Variants in SYT16 observed in about 807,000 individuals in gnomAD.
SYT16 encodes synaptotagmin-16.
SYT16 carries 42 observed loss-of-function variants against 61.4 expected under a neutral mutation model. The ratio of observed to expected loss-of-function variants is 0.68; its 90% CI spans 0.53 to 0.89. SYT16 has a LOEUF of 0.89. SYT16 is among the 40% of genes least tolerant of loss of function. The pLI, the probability that SYT16 is intolerant of heterozygous loss-of-function variation, is 0.00. For synonymous variants in SYT16, 314 were observed against 302.3 expected (o/e 1.04, Z -0.40); for missense variants, 804 against 807.3 (o/e 1.00, Z 0.05).
chr14:61,872,435 T>A lies in SYT16; in HGVS notation c.-325+59625T>A, dbSNP rs572935889. ...TATAATTTTCTCCCTTAATATACCATCATACCTGGGGCTGTCTTATCTAAA... is the reference window on the plus strand; with the variant it reads ...TATAATTTTCTCCCTTAATATACCAACATACCTGGGGCTGTCTTATCTAAA... On this transcript the variant is annotated intron_variant, in intron 1 of 7. Coordinates refer to ENST00000683842, the MANE Select transcript of SYT16 (RefSeq NM_001367656.1). Among the ~76,000 whole-genome samples the A allele has an allele frequency of 2.9e-4, 44 of 152,312 alleles. No individual in the cohort carries two copies. In the South Asian group the frequency reaches 8.9e-3, roughly 31 times the overall value.
rs369352122 is a variant in SYT16, at chr14:62,087,338, C to T, written c.1624+2953C>T. Among the ~76,000 whole-genome samples the T allele has an allele frequency of 4.3e-5, 6 of 139,750 alleles. No individual in the cohort carries two copies. In the East Asian group the frequency reaches 9.7e-4, roughly 23 times the overall value. 91.7% of individuals were successfully genotyped at this position (139,750 alleles called of 152,430 possible). A position where few individuals can be genotyped will look rare whatever the true frequency, so the allele number is the denominator to read the frequency against. On this transcript the variant is annotated intron_variant, in intron 7 of 7. Transcript: ENST00000683842. ...CTCCCCACGGCAGAGGGAGAGCCGGCGGCAGCCTGGGGCCTGCTGCAGAGT... is the reference window on the plus strand; with the variant it reads ...CTCCCCACGGCAGAGGGAGAGCCGGTGGCAGCCTGGGGCCTGCTGCAGAGT...
chr14:62,043,099 CTTTT>C (rs58063130), intron 3 of SYT16, among the ~76,000 whole-genome samples: 2 of 137,048 alleles, frequency 1.5e-5, no homozygotes, highest in African/African-American at 2.6e-5. Context: ...TGTGGTTTCT[CTTTT>C]TTTTTTTTTT....
chr14:62,049,219 A>G (rs1324556978), intron 3 of SYT16, among the ~76,000 whole-genome samples: 1 of 151,990 alleles, frequency 6.6e-6, no homozygotes, highest in Non-Finnish European at 1.5e-5. Context: ...TGATCCCTTT[A>G]CCATTATGTA....
intron 1 of SYT16, among the ~76,000 whole-genome samples, chr14:61,923,278 A>G (rs1237947438): frequency 2.6e-5 from 4 of 152,156 alleles, no homozygotes; most frequent in African/African-American, 9.7e-5. Context: ...CTTTTTTAGC[A>G]GAATTATTCA....
intron 7 of SYT16, among the ~76,000 whole-genome samples, chr14:62,096,406 G>A (rs1456561703): frequency 1.3e-5 from 2 of 151,836 alleles, no homozygotes; most frequent in Admixed American, 6.6e-5. Context: ...AGAGAAAAAC[G>A]TTCACTGAAA....
chr14:61,893,598 G>A (rs950925192), intron 1 of SYT16, among the ~76,000 whole-genome samples: 2 of 152,120 alleles, frequency 1.3e-5, no homozygotes. Context: ...TGCTTGTGAC[G>A]TTTTCTTTTT....
chr14:61,847,469 C>T (rs1296595204), intron 1 of SYT16, among the ~76,000 whole-genome samples: 1 of 152,134 alleles, frequency 6.6e-6, no homozygotes, highest in Non-Finnish European at 1.5e-5. Context: ...TTTTCTCTTG[C>T]TGCTTTTAGG....
At chr14:61,819,541 T>C (rs1594682046) in intron 1 of SYT16, among the ~76,000 whole-genome samples, 2 of 152,362 alleles carry the variant, frequency 1.3e-5, no homozygotes, top group South Asian at 4.1e-4. Flanking sequence ...TTTAGGAATA[T>C]AATAAGTCAC....
At chr14:62,046,468 T>C (rs1214435752) in intron 3 of SYT16, among the ~76,000 whole-genome samples, 1 of 152,186 alleles carries the variant, frequency 6.6e-6, no homozygotes, top group Non-Finnish European at 1.5e-5. Flanking sequence ...TTAGATCCCA[T>C]TTGCCAATTT....
chr14:61,831,503 C>T (rs1003715108), intron 1 of SYT16, among the ~76,000 whole-genome samples: 5 of 152,198 alleles, frequency 3.3e-5, no homozygotes, highest in Non-Finnish European at 5.9e-5. Context: ...TTAATTCTCA[C>T]TTTCTAATTC....
At position 61,995,922 on chromosome 14, in the gene SYT16, A is replaced by G. The variant is rs1360923799; in HGVS notation, c.-98A>G. 4.7e-6 allele frequency: 6 copies of G among 1,274,730 alleles called. No homozygotes were observed. The highest frequency in any genetic ancestry group is 6.4e-6 in the Non-Finnish European group (6 of 936,438). The allele number at this position is 1,274,730 out of a possible 1,614,324, so 79.0% of individuals were successfully genotyped here. On this transcript the variant is annotated 5_prime_UTR_variant, in exon 3 of 8. Coordinates refer to ENST00000683842, the MANE Select transcript of SYT16 (RefSeq NM_001367656.1). ...TATTCACAGCCATTAAGAGACCTCC[A>G]AATTAATTTCTCAACATGCTTATTC...
chr14:62,093,345 A>G (rs1409995585), intron 7 of SYT16, among the ~76,000 whole-genome samples: 2 of 152,090 alleles, frequency 1.3e-5, no homozygotes, highest in African/African-American at 4.8e-5. Flanking sequence ...ATAAATAGAA[A>G]GCACAAACCA....
rs117255015 is a variant in SYT16, at chr14:61,899,748, G to C, written c.-324-70384G>C. 3.0e-3 allele frequency among the ~76,000 whole-genome samples: 458 copies of C among 152,276 alleles called. 3 individuals are homozygous for C. The highest frequency in any genetic ancestry group is 0.014 in the Middle Eastern group (4 of 294). On this transcript the variant is annotated intron_variant, in intron 1 of 7. Transcript: ENST00000683842. ...GAATCCTAGATGAACAAAGCCCTGG[G>C]GAGCAATTGGGCTCAGAGCAGAAAG...
rs1264317968 is a variant in SYT16 at position 62,103,461 on chromosome 14, G to C, written c.*2754G>C. 1 of 152,124 alleles carries C rather than the reference G, an allele frequency of 6.6e-6. No homozygotes were observed. The highest frequency in any genetic ancestry group is 1.5e-5 in the Non-Finnish European group (1 of 68,034). 9.4% of individuals were successfully genotyped at this position (152,124 alleles called of 1,614,324 possible). ...ATCGTTAAGAGTAAATGATGCGCTG[G>C]GTTTATGGAAATCTGCTTTATAGTG... On this transcript the variant is annotated 3_prime_UTR_variant, in exon 8 of 8. Coordinates refer to ENST00000683842, the MANE Select transcript of SYT16 (RefSeq NM_001367656.1).
chr14:62,026,305 C>G (rs2054100728), intron 3 of SYT16, among the ~76,000 whole-genome samples: 1 of 152,152 alleles, frequency 6.6e-6, no homozygotes, highest in Non-Finnish European at 1.5e-5. Context: ...TAACTAAATA[C>G]TTGAGACTGA....
intron 2 of SYT16, among the ~76,000 whole-genome samples, chr14:61,992,919 A>G (rs2052614714): frequency 6.6e-6 from 1 of 152,198 alleles, no homozygotes; most frequent in East Asian, 1.9e-4. Flanking sequence ...GTAACAGGGA[A>G]TCATAATGGC....
intron 2 of SYT16, among the ~76,000 whole-genome samples, chr14:61,991,015 G>C (rs2052526409): frequency 6.6e-6 from 1 of 152,164 alleles, no homozygotes; most frequent in South Asian, 2.1e-4. Context: ...TAGCCTTTAA[G>C]AATATATTTA....
chr14:61,979,362 T>C (rs1368480016), intron 2 of SYT16, among the ~76,000 whole-genome samples: 2 of 152,202 alleles, frequency 1.3e-5, no homozygotes, highest in Non-Finnish European at 2.9e-5. Context: ...TTCAGGATAA[T>C]GTAAAATCAG....
chr14:62,084,109 C>T (rs1285330138), intron 6 of SYT16, 87 bp from the exon 7 acceptor site: 1 of 1,485,870 alleles, frequency 6.7e-7, no homozygotes, highest in Admixed American at 2.3e-5. Context: ...GATTGGGTCA[C>T]AATTTCACCA....
Sources: allele counts gnomAD v4.1 joint callset (sites outside exome capture counted in the v4.1 genomes callset), GRCh38; gene constraint gnomAD v4.1.1; transcripts MANE v1.5; gene names NCBI Gene and HGNC (gene_info 2026-07-23, HGNC 2026-07-21).